DOCK1: variants seen among roughly 807,000 people sequenced by gnomAD.
The protein encoded by DOCK1 is dedicator of cytokinesis 1.
In DOCK1, 138 loss-of-function variants were observed where a neutral mutation model predicts 262.7. The ratio of observed to expected loss-of-function variants is 0.53; its 90% CI spans 0.46 to 0.61. The LOEUF is 0.61. Ranked by LOEUF, DOCK1 falls within the 20% of genes least tolerant of loss-of-function variation. The pLI, the probability that DOCK1 is intolerant of heterozygous loss-of-function variation, is 0.00. For synonymous variants in DOCK1, 866 were observed against 867.4 expected (o/e 1.00, Z 0.03); for missense variants, 1,908 against 2,370.7 (o/e 0.80, Z 4.05).
At chr10:127,350,271 A>G (rs933435079) in intron 31 of DOCK1, among the ~76,000 whole-genome samples, 2 of 150,228 alleles carry the variant, frequency 1.3e-5, no homozygotes, top group Non-Finnish European at 3.0e-5. Context: ...ACGCTTTAAA[A>G]AAAACCTGCC....
chr10:126,906,583 C>G (rs1479719092), intron 1 of DOCK1, among the ~76,000 whole-genome samples: 1 of 152,182 alleles, frequency 6.6e-6, no homozygotes, highest in Non-Finnish European at 1.5e-5. Context: ...ACTGGGAAGA[C>G]CTTTGGTGGT....
At chr10:127,450,035 T>C (rs907815758) in intron 51 of DOCK1, among the ~76,000 whole-genome samples, 3 of 152,352 alleles carry the variant, frequency 2.0e-5, no homozygotes, top group Middle Eastern at 3.4e-3. Flanking sequence ...GGCTTTCACA[T>C]GTAAACAAAC....
intron 29 of DOCK1, among the ~76,000 whole-genome samples, chr10:127,288,874 C>A (rs1215915694): frequency 6.6e-6 from 1 of 151,538 alleles, no homozygotes; most frequent in South Asian, 2.1e-4. Flanking sequence ...TAGGATATAT[C>A]CTGCAGACAT....
At chr10:127,355,600 T>C (rs1047911158) in intron 32 of DOCK1, among the ~76,000 whole-genome samples, 4 of 152,200 alleles carry the variant, frequency 2.6e-5, no homozygotes, top group African/African-American at 9.7e-5. Context: ...GAAGCCTGCA[T>C]TGGCCTGTTG....
rs2070597955 is a variant in DOCK1, at chr10:127,446,881, C to G, written c.5414-513C>G. 6.6e-6 allele frequency among the ~76,000 whole-genome samples: 1 copy of G among 152,180 alleles called. No homozygotes were observed. ...ACTGCTATGGCTAATGACTTCATGT[C>G]ATACGACTGTGGATTTTCCTGTGGA... On this transcript the variant is annotated intron_variant, in intron 50 of 51. Coordinates refer to ENST00000623213, the MANE Select transcript of DOCK1 (RefSeq NM_001290223.2). The surrounding 1 kb of genome is among the most constrained non-coding windows in gnomAD (Gnocchi z 4.4).
Position 127,176,164 on chromosome 10 carries a change from C to T in DOCK1, c.2847+48400C>T, listed in dbSNP as rs200815248. On this transcript the variant is annotated intron_variant, in intron 27 of 51. Transcript: ENST00000623213. This position sits in a 1 kb window ranked among gnomAD's most constrained non-coding sequence, Gnocchi z 4.4. Reference sequence around the variant, plus strand: ...TTGCGGTAGGCTGCTCTGCAGGACACGGGCTTGGCCTCCCGCTTCTCCCCC... The same window carrying T: ...TTGCGGTAGGCTGCTCTGCAGGACATGGGCTTGGCCTCCCGCTTCTCCCCC... 1.6e-4 allele frequency: 261 copies of T among 1,614,074 alleles called. 4 individuals carry two copies. The South Asian group carries it at 2.7e-3, about 17-fold the overall frequency.
chr10:127,026,190 C>G, intron 15 of DOCK1, 162 bp from the exon 16 acceptor site: 2 of 687,964 alleles, frequency 2.9e-6, no homozygotes, highest in Non-Finnish European at 4.8e-6. Flanking sequence ...TTTGCAGAGG[C>G]ATTTTGTCTT....
chr10:126,905,596 C>T (rs758755296), intron 1 of DOCK1, 33 bp downstream of exon 1: 10 of 340,906 alleles, frequency 2.9e-5, no homozygotes, highest in Non-Finnish European at 4.8e-5. Flanking sequence ...CGCCTCTCGC[C>T]CCAAGCCCAG....
chr10:126,918,983 GAGGGA>G (rs2032880965), intron 1 of DOCK1, among the ~76,000 whole-genome samples: 1 of 151,970 alleles, frequency 6.6e-6, no homozygotes, highest in South Asian at 2.1e-4. Context: ...AGAAAGCCGA[GAGGGA>G]GTGTGGGGGC....
chr10:126,998,006 A>G lies in DOCK1; in HGVS notation c.610-86A>G, dbSNP rs2040332056. On this transcript the variant is annotated intron_variant, in intron 7 of 51. Transcript: ENST00000623213. ...CTGGGTTATGCCAATGAGTTATTACAATTTTCTATTCTGTAGGGAATAAAG... is the reference window on the plus strand; with the variant it reads ...CTGGGTTATGCCAATGAGTTATTACGATTTTCTATTCTGTAGGGAATAAAG... The G allele has an allele frequency of 2.6e-6, 4 of 1,530,112 alleles. No individual in the cohort carries two copies. The South Asian group carries it at 4.9e-5, about 19-fold the overall frequency. The allele number at this position is 1,530,112 out of a possible 1,614,324, so 94.8% of individuals were successfully genotyped here.
At chr10:127,214,904 T>C (rs1294876692) in intron 27 of DOCK1, among the ~76,000 whole-genome samples, 3 of 152,200 alleles carry the variant, frequency 2.0e-5, no homozygotes, top group Non-Finnish European at 2.9e-5. Flanking sequence ...TTTAAACATA[T>C]GCGTGTAGTT....
At chr10:126,920,521 C>G (rs1279364776) in intron 1 of DOCK1, among the ~76,000 whole-genome samples, 1 of 152,124 alleles carries the variant, frequency 6.6e-6, no homozygotes, top group Non-Finnish European at 1.5e-5. Flanking sequence ...TTTTCTGCTC[C>G]CAAATGCAGT....
intron 1 of DOCK1, among the ~76,000 whole-genome samples, chr10:126,925,452 C>T (rs1358609810): frequency 6.6e-6 from 1 of 152,210 alleles, no homozygotes; most frequent in Non-Finnish European, 1.5e-5. Context: ...GGCACGATCT[C>T]AGCTCACTGC....
chr10:127,026,210 C>A, intron 15 of DOCK1, 142 bp from the exon 16 acceptor site: 1 of 813,782 alleles, frequency 1.2e-6, no homozygotes, highest in Non-Finnish European at 1.9e-6. Flanking sequence ...TTGGAAAAAT[C>A]ATATAGGGGA....
At chr10:127,173,342 A>G (rs2054758014) in intron 27 of DOCK1, among the ~76,000 whole-genome samples, 1 of 152,188 alleles carries the variant, frequency 6.6e-6, no homozygotes, top group Non-Finnish European at 1.5e-5. Context: ...ATTCCTACCC[A>G]GACATGTCTT....
chr10:127,369,638 C>T (rs1175090705), intron 33 of DOCK1, among the ~76,000 whole-genome samples: 1 of 152,228 alleles, frequency 6.6e-6, no homozygotes, highest in Non-Finnish European at 1.5e-5. Flanking sequence ...GTGTCATGGC[C>T]TGCGATGCAG....
chr10:127,365,960 AG>A (rs2064882219), intron 33 of DOCK1, among the ~76,000 whole-genome samples: 1 of 152,222 alleles, frequency 6.6e-6, no homozygotes, highest in African/African-American at 2.4e-5. Context: ...ATTGTTTTTG[AG>A]TAATATCATG....
chr10:127,191,518 CTG>C (rs948503741), intron 27 of DOCK1, among the ~76,000 whole-genome samples: 4 of 152,172 alleles, frequency 2.6e-5, no homozygotes, highest in African/African-American at 9.7e-5. Context: ...GCAGATTTCA[CTG>C]TACAAAATGC....
intron 1 of DOCK1, among the ~76,000 whole-genome samples, chr10:126,910,272 G>T (rs950083637): frequency 6.6e-6 from 1 of 152,196 alleles, no homozygotes; most frequent in East Asian, 1.9e-4. Context: ...GCCATTGTTT[G>T]CCTAGGATAC....
Sources: allele counts gnomAD v4.1 joint callset (sites outside exome capture counted in the v4.1 genomes callset), GRCh38; gene constraint gnomAD v4.1.1; non-coding constraint Gnocchi (gnomAD v3.1); transcripts MANE v1.5; gene names NCBI Gene and HGNC (gene_info 2026-07-23, HGNC 2026-07-21).